Variants in DENND5B observed in about 807,000 individuals in gnomAD.
DENND5B encodes DENN domain-containing protein 5B.
DENND5B carries 34 observed loss-of-function variants against 140.6 expected under a neutral mutation model. That is an observed-to-expected ratio of 0.24 (90% CI 0.18 to 0.32). The LOEUF is 0.32. Ranked by LOEUF, DENND5B falls within the 10% of genes least tolerant of loss-of-function variation. The pLI, the probability that DENND5B is intolerant of heterozygous loss-of-function variation, is 1.00. For synonymous variants in DENND5B, 551 were observed against 562.1 expected (o/e 0.98, Z 0.28); for missense variants, 1,142 against 1,560.2 (o/e 0.73, Z 4.52).
At chr12:31,528,211 C>T (rs188176109) in intron 1 of DENND5B, among the ~76,000 whole-genome samples, 46 of 152,360 alleles carry the variant, frequency 3.0e-4, no homozygotes, top group Admixed American at 2.2e-3. Context: ...TCCCTCCAGA[C>T]GGTCTAGGGG....
intron 1 of DENND5B, among the ~76,000 whole-genome samples, chr12:31,526,483 CA>C (rs1948086533): frequency 6.6e-6 from 1 of 152,182 alleles, no homozygotes; most frequent in African/African-American, 2.4e-5. Context: ...CTAAGTTTTA[CA>C]ACCTTTCCTT....
At chr12:31,568,855 T>C (rs966115994) in intron 1 of DENND5B, among the ~76,000 whole-genome samples, 3 of 152,142 alleles carry the variant, frequency 2.0e-5, no homozygotes, top group African/African-American at 4.8e-5. Context: ...CAAAGGCTGA[T>C]TCAACCTCTT....
At chr12:31,539,582 T>C (rs774070338) in intron 1 of DENND5B, among the ~76,000 whole-genome samples, 7 of 152,046 alleles carry the variant, frequency 4.6e-5, no homozygotes, top group Non-Finnish European at 7.4e-5. Context: ...CATATGCAAA[T>C]CAATCAATCT....
At chr12:31,462,492 G>A (rs956767151) in intron 3 of DENND5B, among the ~76,000 whole-genome samples, 6 of 152,032 alleles carry the variant, frequency 3.9e-5, no homozygotes, top group African/African-American at 7.2e-5. Context: ...CTTGGCCCCC[G>A]TACTGTCTCT....
chr12:31,579,942 T>C (rs185023187), intron 1 of DENND5B, among the ~76,000 whole-genome samples: 122 of 151,392 alleles, frequency 8.1e-4, no homozygotes, highest in Non-Finnish European at 1.5e-3. Flanking sequence ...TAAAGCACAA[T>C]AGGAGAGTAT....
chr12:31,533,564 T>A (rs139233092), intron 1 of DENND5B, among the ~76,000 whole-genome samples: 1 of 152,206 alleles, frequency 6.6e-6, no homozygotes, highest in African/African-American at 2.4e-5. Context: ...AACAAAGACC[T>A]TGGAAAATCA....
At chr12:31,516,282 C>T (rs1161127302) in intron 1 of DENND5B, among the ~76,000 whole-genome samples, 1 of 151,878 alleles carries the variant, frequency 6.6e-6, no homozygotes. Context: ...TTGAGACCAG[C>T]CTGGGCAACA....
intron 11 of DENND5B, among the ~76,000 whole-genome samples, chr12:31,417,915 G>A (rs1942834433): frequency 6.6e-6 from 1 of 152,112 alleles, no homozygotes; most frequent in Non-Finnish European, 1.5e-5. Context: ...TCTACTTTGG[G>A]GGGCTGGGAT....
rs1157764165 is a variant in DENND5B at position 31,457,266 on chromosome 12, TTCTC to T, written c.1092+2924_1092+2927del. ...CTTCAGTGCCTTCCTTCCACTCTCA[TTCTC>T]TCTATCCTACTCCCTAAAAAACAGT... On this transcript the variant is annotated intron_variant, in intron 4 of 20. Coordinates refer to ENST00000389082, the MANE Select transcript of DENND5B (RefSeq NM_144973.4). Among the ~76,000 whole-genome samples the T allele has an allele frequency of 3.3e-5, 5 of 152,204 alleles. No individual in the cohort carries two copies. The East Asian group carries it at 7.7e-4, about 23-fold the overall frequency.
chr12:31,415,305 A>T, intron 12 of DENND5B, 62 bp downstream of exon 12: 1 of 1,339,884 alleles, frequency 7.5e-7, no homozygotes, highest in Non-Finnish European at 1.0e-6. Flanking sequence ...CAATTTAGTT[A>T]AAAGCCACAA....
At chr12:31,400,356 TG>T (rs775173281) in intron 15 of DENND5B, among the ~76,000 whole-genome samples, 1 of 152,118 alleles carries the variant, frequency 6.6e-6, no homozygotes, top group Non-Finnish European at 1.5e-5. Flanking sequence ...TAGAAGTCTT[TG>T]AAGCTATTTT....
intron 1 of DENND5B, among the ~76,000 whole-genome samples, chr12:31,550,402 T>G (rs1949007624): frequency 6.6e-6 from 1 of 152,018 alleles, no homozygotes; most frequent in Non-Finnish European, 1.5e-5. Flanking sequence ...ACTCATCATT[T>G]TTTATGGCTG....
intron 1 of DENND5B, among the ~76,000 whole-genome samples, chr12:31,497,834 A>T (rs1486907917): frequency 0.013 from 9 of 706 alleles, no homozygotes; most frequent in South Asian, 0.031. Context: ...GGGAGGGGCA[A>T]GGGGAGGGGG....
Position 31,387,691 on chromosome 12 carries a change from G to A in DENND5B, c.3737C>T (p.Thr1246Ile). The stretch of plus-strand genomic sequence containing the variant: ...CAGAATTCGGATAAGGGAGTTGACA[G>A]TCATGCGGTCTCGCAGGAGAGCGCT... ...EESALLRDRM[T>I]VNSLIRILQT... The change falls in exon 21 of 21, where the codon ACT (threonine) becomes ATT (isoleucine). Residue 1246 changes from threonine to isoleucine, a missense_variant. By Grantham distance (89) the Thr-to-Ile change is moderately conservative (BLOSUM62 -1). Around this residue, in one of 5 missense-constraint regions of DENND5B, gnomAD observed 125 missense variants for 179.0 expected, o/e 0.70. Coordinates refer to ENST00000389082, the MANE Select transcript of DENND5B (RefSeq NM_144973.4). 1 of 1,614,062 alleles carries A rather than the reference G, an allele frequency of 6.2e-7. No individual in the cohort carries two copies. Among genetic ancestry groups the A allele is most frequent in the South Asian group, 1.1e-5 (1 of 91,078 alleles).
At chr12:31,573,187 A>G (rs1949883023) in intron 1 of DENND5B, among the ~76,000 whole-genome samples, 1 of 152,238 alleles carries the variant, frequency 6.6e-6, no homozygotes, top group Admixed American at 6.5e-5. Flanking sequence ...AGAGATATTA[A>G]AAAATATTCA....
At chr12:31,432,925 C>T in intron 8 of DENND5B, 1 of 462,424 alleles carries the variant, frequency 2.2e-6, no homozygotes, top group South Asian at 3.1e-5. Flanking sequence ...TGATGTAATA[C>T]ACAGAAAGAC....
At chr12:31,544,369 C>A (rs1211336729) in intron 1 of DENND5B, among the ~76,000 whole-genome samples, 1 of 152,158 alleles carries the variant, frequency 6.6e-6, no homozygotes, top group East Asian at 1.9e-4. Flanking sequence ...GTAGCCTCAA[C>A]CTCCAGGGCT....
At chr12:31,536,487 T>C (rs1592001174) in intron 1 of DENND5B, among the ~76,000 whole-genome samples, 1 of 151,978 alleles carries the variant, frequency 6.6e-6, no homozygotes, top group East Asian at 1.9e-4. Context: ...AAGAAAGATT[T>C]AGTGAGCCTG....
intron 1 of DENND5B, among the ~76,000 whole-genome samples, chr12:31,568,516 C>T (rs965749166): frequency 6.6e-6 from 1 of 152,138 alleles, no homozygotes; most frequent in Non-Finnish European, 1.5e-5. Context: ...AAAGGACAGG[C>T]CACAGCAAAC....
Sources: allele counts gnomAD v4.1 joint callset (sites outside exome capture counted in the v4.1 genomes callset), GRCh38; gene constraint gnomAD v4.1.1; regional missense constraint gnomAD v4.1.1; transcripts MANE v1.5; gene names NCBI Gene and HGNC (gene_info 2026-07-23, HGNC 2026-07-21).